The following PPP3R1 variants were observed in gnomAD, a reference collection of about 807,000 sequenced individuals.
The protein encoded by PPP3R1 is calcineurin subunit B type 1.
Under a neutral mutation model 22.6 loss-of-function variants are expected in PPP3R1, and 5 were observed. The ratio of observed to expected loss-of-function variants is 0.22; its 90% CI spans 0.12 to 0.46. The LOEUF is 0.46. Among genes scored for constraint, PPP3R1 ranks in the 20% least tolerant of loss-of-function variants. The pLI is 0.99. For synonymous variants in PPP3R1, 56 were observed against 65.2 expected (o/e 0.86, Z 0.68); for missense variants, 61 against 203.2 (o/e 0.30, Z 4.25).
chr2:68,198,010 C>G (rs1248835816), intron 2 of PPP3R1, among the ~76,000 whole-genome samples: 2 of 105,046 alleles, frequency 1.9e-5, no homozygotes, highest in African/African-American at 3.6e-5. Flanking sequence ...TTATTCCATA[C>G]AGAAATACAG....
chr2:68,223,954 AT>A (rs1427306846), intron 1 of PPP3R1, among the ~76,000 whole-genome samples: 2 of 152,112 alleles, frequency 1.3e-5, no homozygotes, highest in African/African-American at 4.8e-5. Flanking sequence ...AGACGGCAAG[AT>A]AAAAGGTCAA....
At chr2:68,207,134 A>C (rs1675144468) in intron 2 of PPP3R1, among the ~76,000 whole-genome samples, 1 of 151,562 alleles carries the variant, frequency 6.6e-6, no homozygotes, top group African/African-American at 2.4e-5. Flanking sequence ...AAATTACTAC[A>C]ATGTGTGGGT....
At chr2:68,249,120 A>G (rs574976113) in intron 1 of PPP3R1, among the ~76,000 whole-genome samples, 7 of 152,314 alleles carry the variant, frequency 4.6e-5, no homozygotes, top group East Asian at 1.9e-4. Flanking sequence ...CTTACTACCT[A>G]TAACAGTTGC....
intron 1 of PPP3R1, among the ~76,000 whole-genome samples, chr2:68,241,822 CCA>C (rs1572978247): frequency 6.7e-6 from 1 of 149,536 alleles, no homozygotes; most frequent in East Asian, 1.9e-4. Context: ...CCAGCCTGGC[CCA>C]CAGAGTAAGA....
At position 68,180,943 on chromosome 2, in the gene PPP3R1, G is replaced by A; in HGVS notation, c.*20C>T. On this transcript the variant is annotated 3_prime_UTR_variant, in exon 6 of 6. Transcript: ENST00000234310. ...ATGGAGAAGAAAGCAAAAGTGTTGG[G>A]TGGTACTCTCTGATAAGAGTCACAC... 6.2e-7 allele frequency: 1 copy of A among 1,606,680 alleles called. No homozygotes were observed.
chr2:68,247,710 T>G (rs558577208), intron 1 of PPP3R1, among the ~76,000 whole-genome samples: 1 of 152,224 alleles, frequency 6.6e-6, no homozygotes, highest in Non-Finnish European at 1.5e-5. Context: ...GCTGGGTGGA[T>G]AGCATTATCC....
At chr2:68,219,159 C>G (rs1026652030) in intron 1 of PPP3R1, among the ~76,000 whole-genome samples, 3 of 152,128 alleles carry the variant, frequency 2.0e-5, no homozygotes, top group African/African-American at 7.2e-5. Context: ...ATTAAGAGAA[C>G]TCGTATCTCT....
At chr2:68,210,443 T>C (rs1039421538) in intron 2 of PPP3R1, among the ~76,000 whole-genome samples, 3 of 152,204 alleles carry the variant, frequency 2.0e-5, no homozygotes, top group African/African-American at 7.2e-5. Flanking sequence ...AAGTTCTGCC[T>C]TCAATAAGAA....
At chr2:68,251,150 G>C (rs1288284606) in intron 1 of PPP3R1, 1 of 152,196 alleles carries the variant, frequency 6.6e-6, no homozygotes. Flanking sequence ...CTAACGACTA[G>C]GGCTTCCCCG....
At chr2:68,190,921 CATTTGTACAGTTA>C (rs2103726605) in intron 2 of PPP3R1, among the ~76,000 whole-genome samples, 1 of 152,314 alleles carries the variant, frequency 6.6e-6, no homozygotes, top group East Asian at 1.9e-4. Context: ...TATGGTGTTT[CATTTGTACAGTTA>C]ATTTGTACTT....
chr2:68,218,785 T>C (rs1287551735), intron 1 of PPP3R1, among the ~76,000 whole-genome samples: 1 of 151,950 alleles, frequency 6.6e-6, no homozygotes, highest in Non-Finnish European at 1.5e-5. Flanking sequence ...TAAAAAAGTG[T>C]TATGTGGTGG....
At chr2:68,233,351 C>A (rs1237244151) in intron 1 of PPP3R1, among the ~76,000 whole-genome samples, 1 of 151,970 alleles carries the variant, frequency 6.6e-6, no homozygotes, top group Non-Finnish European at 1.5e-5. Context: ...TTAAGTAAAT[C>A]CCTTTTATTT....
chr2:68,238,062 C>G (rs1670049835), intron 1 of PPP3R1, among the ~76,000 whole-genome samples: 1 of 152,100 alleles, frequency 6.6e-6, no homozygotes, highest in South Asian at 2.1e-4. Context: ...TGGTAGCTCT[C>G]CTATTTGTGC....
chr2:68,239,483 T>C (rs2103805879), intron 1 of PPP3R1, among the ~76,000 whole-genome samples: 1 of 152,262 alleles, frequency 6.6e-6, no homozygotes, highest in South Asian at 2.1e-4. Context: ...AAACAGAGAA[T>C]AATGAAGCAT....
chr2:68,186,160 T>C (rs1452060836), intron 5 of PPP3R1, among the ~76,000 whole-genome samples: 1 of 152,176 alleles, frequency 6.6e-6, no homozygotes, highest in Non-Finnish European at 1.5e-5. Context: ...TTTTAGGGCA[T>C]AAGTAGAGAA....
At chr2:68,237,604 C>T (rs1182039036) in intron 1 of PPP3R1, among the ~76,000 whole-genome samples, 2 of 152,114 alleles carry the variant, frequency 1.3e-5, no homozygotes, top group African/African-American at 2.4e-5. Context: ...ACAGCTGCTA[C>T]ATGTTAAGTT....
At chr2:68,222,285 T>C (rs1265727184) in intron 1 of PPP3R1, among the ~76,000 whole-genome samples, 4 of 152,162 alleles carry the variant, frequency 2.6e-5, no homozygotes, top group Non-Finnish European at 5.9e-5. Context: ...AGATGTATAT[T>C]GTAAACTCTA....
At chr2:68,234,435 A>C (rs574065435) in intron 1 of PPP3R1, among the ~76,000 whole-genome samples, 2 of 152,186 alleles carry the variant, frequency 1.3e-5, no homozygotes, top group Non-Finnish European at 2.9e-5. Context: ...TATAAATCCC[A>C]TAACATTCTT....
chr2:68,221,026 T>C (rs897224912), intron 1 of PPP3R1, among the ~76,000 whole-genome samples: 2 of 151,722 alleles, frequency 1.3e-5, no homozygotes, highest in East Asian at 3.9e-4. Context: ...GGCAAAACAC[T>C]GTCTCTACAA....
Sources: allele counts gnomAD v4.1 joint callset (sites outside exome capture counted in the v4.1 genomes callset), GRCh38; gene constraint gnomAD v4.1.1; transcripts MANE v1.5; gene names NCBI Gene and HGNC (gene_info 2026-07-23, HGNC 2026-07-21).